The following MTR variants were observed in gnomAD, a reference collection of about 807,000 sequenced individuals.
MTR encodes the protein methionine synthase.
MTR carries 84 observed loss-of-function variants against 154.8 expected under a neutral mutation model. The ratio of observed to expected loss-of-function variants is 0.54; its 90% confidence interval spans 0.45 to 0.65. MTR has a LOEUF of 0.65. Among genes scored for constraint, MTR ranks in the 30% least tolerant of loss-of-function variants. The pLI is 0.00. For synonymous variants in MTR, 554 were observed against 553.9 expected, an observed-to-expected ratio of 1.00 and a Z score of 0.00; for missense variants, 1,275 against 1,570.2, an observed-to-expected ratio of 0.81 and a Z score of 3.18.
rs1220601154 is a variant in MTR, at chr1:236,825,407, G to A, written c.927+8G>A. On this transcript the variant is annotated splice_region_variant and intron_variant, in intron 10 of 32. Transcript: ENST00000366577. ...ATGGCCAAGCACCTAAAGGTCAGGG[G>A]TCCCCCTTTCACTGGCTTTTTAAGA... 1.2e-6 allele frequency: 2 copies of A among 1,610,070 alleles called. No homozygotes were observed. Among genetic ancestry groups the A allele is most frequent in the African/African-American group, 2.7e-5 (2 of 74,770 alleles).
intron 9 of MTR, 62 bp downstream of exon 9, chr1:236,824,281 G>A: frequency 1.5e-6 from 2 of 1,291,850 alleles, no homozygotes; most frequent in African/African-American, 1.5e-5. Context: ...TGGCATAGAT[G>A]AGGTAAGAGA....
At chr1:236,818,903 A>C (rs879425090) in intron 8 of MTR, among the ~76,000 whole-genome samples, 5 of 152,264 alleles carry the variant, frequency 3.3e-5, no homozygotes, top group Non-Finnish European at 4.4e-5. Flanking sequence ...AGAACTATGA[A>C]TAAAAATCTG....
intron 27 of MTR, 152 bp from the exon 28 acceptor site, chr1:236,889,029 A>T: frequency 1.1e-6 from 1 of 927,948 alleles, no homozygotes; most frequent in Non-Finnish European, 1.7e-6. Flanking sequence ...CTCCACGATA[A>T]TTTAAAGTTC....
chr1:236,843,537 AT>A (rs1558304471), intron 15 of MTR, among the ~76,000 whole-genome samples: 1 of 152,214 alleles, frequency 6.6e-6, no homozygotes, highest in African/African-American at 2.4e-5. Flanking sequence ...GATCTGACTT[AT>A]GTTTAAACCT....
At chr1:236,834,992 A>C (rs1662823444) in intron 13 of MTR, among the ~76,000 whole-genome samples, 1 of 152,190 alleles carries the variant, frequency 6.6e-6, no homozygotes, top group Admixed American at 6.5e-5. Context: ...TTCTATTAAC[A>C]GCCTGCAATG....
intron 22 of MTR, 36 bp from the exon 23 acceptor site, chr1:236,873,737 T>TC (rs1665270340): frequency 6.4e-7 from 1 of 1,566,490 alleles, no homozygotes; most frequent in African/African-American, 1.4e-5. Context: ...TAATGGGCTT[T>TC]CATTAATTTT....
intron 22 of MTR, among the ~76,000 whole-genome samples, chr1:236,867,933 A>G (rs1314462889): frequency 1.3e-5 from 2 of 152,218 alleles, no homozygotes; most frequent in African/African-American, 4.8e-5. Context: ...TGAGATGGCT[A>G]TGAACAGTGT....
chr1:236,800,184 G>C, intron 1 of MTR: 4 of 985,440 alleles, frequency 4.1e-6, no homozygotes, highest in Non-Finnish European at 4.8e-6. Context: ...CAGTGGAGGA[G>C]ATAGGAAGAA....
chr1:236,825,309 G>A lies in MTR; in HGVS notation c.866-29G>A, dbSNP rs1662227605. 2.6e-6 allele frequency: 4 copies of A among 1,563,632 alleles called. No individual in the cohort carries two copies. The East Asian group carries it at 9.0e-5, about 35-fold the overall frequency. ...ACAGTGTATATTTTTAAGGCAATTT[G>A]CAATAATGGTTGAATTATCCTTTCT... On this transcript the variant is annotated intron_variant, in intron 9 of 32. Transcript: ENST00000366577.
intron 12 of MTR, among the ~76,000 whole-genome samples, chr1:236,831,551 C>T (rs1038437457): frequency 2.6e-5 from 4 of 152,196 alleles, no homozygotes; most frequent in African/African-American, 9.6e-5. Flanking sequence ...AAAGCTTACT[C>T]CATATAGCTT....
At chr1:236,845,951 C>G (rs1451469164) in intron 15 of MTR, among the ~76,000 whole-genome samples, 2 of 152,162 alleles carry the variant, frequency 1.3e-5, no homozygotes, top group Non-Finnish European at 2.9e-5. Context: ...AAAAACAACT[C>G]CCTCAAATGG....
At chr1:236,799,588 G>C (rs773524469) in intron 1 of MTR, among the ~76,000 whole-genome samples, 10 of 151,710 alleles carry the variant, frequency 6.6e-5, no homozygotes, top group African/African-American at 2.4e-4. Flanking sequence ...TATACATTTT[G>C]TTGTAAACTC....
rs946043608 is a variant in MTR at position 236,900,584 on chromosome 1, C to G, written c.*2940C>G. 5.9e-5 allele frequency: 9 copies of G among 151,988 alleles called. No homozygotes were observed. Among genetic ancestry groups the G allele is most frequent in the African/African-American group, 1.7e-4 (7 of 41,346 alleles). 9.4% of individuals were successfully genotyped at this position (151,988 alleles called of 1,614,324 possible). Reference sequence around the variant, plus strand: ...GCTATTAATACATTATACTTTATAACTAATAGATAACAGTTTTTTACATAT... The same window carrying G: ...GCTATTAATACATTATACTTTATAAGTAATAGATAACAGTTTTTTACATAT... On this transcript the variant is annotated 3_prime_UTR_variant, in exon 33 of 33. Transcript: ENST00000366577.
Position 236,835,527 on chromosome 1 carries a change from C to T in MTR, c.1189-20C>T, listed in dbSNP as rs754253237. 1 of 1,612,544 alleles carries T rather than the reference C, an allele frequency of 6.2e-7. No individual in the cohort carries two copies. The highest frequency in any genetic ancestry group is 8.5e-7 in the Non-Finnish European group (1 of 1,179,744). Reference sequence around the variant, plus strand: ...AGTAACTGTCTCCTAATGCTGCTTCCTCTCTCATTCTTCCTTCAGGAAGCC... The same window carrying T: ...AGTAACTGTCTCCTAATGCTGCTTCTTCTCTCATTCTTCCTTCAGGAAGCC... On this transcript the variant is annotated intron_variant, in intron 13 of 32. Transcript: ENST00000366577.
In MTR at chr1:236,832,091, A is replaced by T; in HGVS notation, c.1188+13A>T. 2 of 1,594,200 alleles carry T rather than the reference A, an allele frequency of 1.3e-6. No homozygotes were observed. The highest frequency in any genetic ancestry group is 1.7e-6 in the Non-Finnish European group (2 of 1,161,876). ...AGGAAACTATGAAGTGAGCATCTTAATAAGACCCCTGAGGCATCTGCCCAT... is the reference window on the plus strand; with the variant it reads ...AGGAAACTATGAAGTGAGCATCTTATTAAGACCCCTGAGGCATCTGCCCAT... On this transcript the variant is annotated intron_variant, in intron 13 of 32. Coordinates refer to ENST00000366577, the MANE Select transcript of MTR (RefSeq NM_000254.3).
At position 236,900,222 on chromosome 1, in the gene MTR, A is replaced by G. The variant is rs1041117423; in HGVS notation, c.*2578A>G. ...GATATATATATTCATTCTACGGGAT[A>G]TTATTCAGTAGTGGAAATGAGTGAA... On this transcript the variant is annotated 3_prime_UTR_variant, in exon 33 of 33. Transcript: ENST00000366577. The G allele has an allele frequency of 8.8e-5, 30 of 341,836 alleles. No homozygotes were observed. The highest frequency in any genetic ancestry group is 5.5e-4 in the Admixed American group (16 of 28,858). 21.2% of individuals were successfully genotyped at this position (341,836 alleles called of 1,614,324 possible).
chr1:236,832,918 G>C (rs1357328297), intron 13 of MTR, among the ~76,000 whole-genome samples: 2 of 152,200 alleles, frequency 1.3e-5, no homozygotes, highest in East Asian at 3.8e-4. Context: ...TGGTTGCCCA[G>C]TTTCACCACT....
chr1:236,857,589 C>T (rs373658958), intron 18 of MTR, among the ~76,000 whole-genome samples: 5 of 152,362 alleles, frequency 3.3e-5, no homozygotes, highest in African/African-American at 1.2e-4. Flanking sequence ...AGCATTAATT[C>T]ATCCAGCTAA....
chr1:236,829,358 C>A, intron 12 of MTR, 90 bp downstream of exon 12: 1 of 1,087,014 alleles, frequency 9.2e-7, no homozygotes, highest in African/African-American at 1.5e-5. Flanking sequence ...TGCTAGGCAG[C>A]TTGCTTATTA....
Sources: allele counts gnomAD v4.1 joint callset (sites outside exome capture counted in the v4.1 genomes callset), GRCh38; gene constraint gnomAD v4.1.1; transcripts MANE v1.5; gene names NCBI Gene and HGNC (gene_info 2026-07-23, HGNC 2026-07-21).